The following COL4A6 variants were observed in gnomAD, a reference collection of about 807,000 sequenced individuals.
COL4A6 encodes collagen alpha-6(IV) chain.
In COL4A6, 59 loss-of-function variants were observed where a neutral mutation model predicts 126.7. That is an observed-to-expected ratio of 0.47 (90% CI 0.38 to 0.58). COL4A6 has a LOEUF of 0.58. COL4A6 is among the 20% of genes least tolerant of loss of function. The pLI is 0.00. For missense variants in COL4A6, 1,285 were observed against 1,337.3 expected (o/e 0.96, Z 0.61); for synonymous variants, 547 against 496.6 (o/e 1.10, Z -1.35).
chrX:108,345,833 C>A (rs1603130782), intron 2 of COL4A6, among the ~76,000 whole-genome samples: 1 of 111,784 alleles, frequency 8.9e-6, no homozygotes, highest in East Asian at 2.8e-4. Context: ...ACTCTGACTG[C>A]ACATTAGAAT....
At chrX:108,188,095 C>A (rs2034927878) in intron 21 of COL4A6, 68 bp from the exon 22 acceptor site, 3 of 944,373 alleles carry the variant, frequency 3.2e-6, no homozygotes, top group Admixed American at 2.5e-5. Context: ...CGGCACCTAG[C>A]ATTATGACTT....
chrX:108,241,189 T>C (rs2036562922), intron 3 of COL4A6, among the ~76,000 whole-genome samples: 2 of 110,995 alleles, frequency 1.8e-5, no homozygotes. Context: ...CTTAATATAA[T>C]GCCTGACACA....
chrX:108,413,326 C>A (rs1330041200), intron 2 of COL4A6, among the ~76,000 whole-genome samples: 1 of 112,060 alleles, frequency 8.9e-6, no homozygotes, highest in Non-Finnish European at 1.9e-5. Flanking sequence ...GTCTGGCTTA[C>A]AGAGTTAATC....
chrX:108,195,101 T>G lies in COL4A6; in HGVS notation c.929A>C (p.Gln310Pro). Residue 310 changes from glutamine to proline, a missense_variant, in exon 15 of 45, where the codon CAA becomes CCA. Gln to Pro is a moderately conservative substitution (Grantham distance 76). Coordinates refer to ENST00000334504, the MANE Select transcript of COL4A6 (RefSeq NM_033641.4). ...AAATACCTGTTGCCCTGGAGGGCCT[T>G]GGACTCCTTCTGAACCCATGGGACC... is the stretch of plus-strand genomic sequence containing the variant. ...PRGPMGSEGV[Q>P]GPPGQQGKKG... The G allele has an allele frequency of 8.3e-7, 1 of 1,206,847 alleles. No homozygotes were observed. The highest frequency in any genetic ancestry group is 1.1e-6 in the Non-Finnish European group (1 of 892,075).
intron 2 of COL4A6, among the ~76,000 whole-genome samples, chrX:108,409,988 G>C (rs1429497259): frequency 8.9e-6 from 1 of 111,775 alleles, no homozygotes; most frequent in African/African-American, 3.3e-5. Flanking sequence ...ATCCAGGAAA[G>C]AGATCCCCGG....
intron 2 of COL4A6, among the ~76,000 whole-genome samples, chrX:108,363,502 G>T (rs1296763019): frequency 8.9e-6 from 1 of 111,974 alleles, no homozygotes; most frequent in Non-Finnish European, 1.9e-5. Flanking sequence ...CCAAACACAG[G>T]TATAACTTGT....
At chrX:108,272,635 C>T (rs2037484352) in intron 3 of COL4A6, among the ~76,000 whole-genome samples, 1 of 111,077 alleles carries the variant, frequency 9.0e-6, no homozygotes, top group Non-Finnish European at 1.9e-5. Context: ...GCGAGATAAG[C>T]AGTAGGATTC....
At chrX:108,238,513 AACT>A (rs1231891640) in intron 3 of COL4A6, among the ~76,000 whole-genome samples, 3 of 109,714 alleles carry the variant, frequency 2.7e-5, no homozygotes, top group Non-Finnish European at 5.7e-5. Context: ...CTATTTGCAC[AACT>A]ACTTTGTTGC....
chrX:108,412,444 T>C, intron 2 of COL4A6, among the ~76,000 whole-genome samples: 1 of 111,732 alleles, frequency 8.9e-6, no homozygotes, highest in Non-Finnish European at 1.9e-5. Context: ...CAAAGACGCA[T>C]TCTACTAAAT....
chrX:108,180,783 G>A, intron 24 of COL4A6, 114 bp downstream of exon 24: 1 of 879,706 alleles, frequency 1.1e-6, no homozygotes, highest in Non-Finnish European at 1.6e-6. Flanking sequence ...CAATCCCCAA[G>A]GCTGCCCTCA....
intron 15 of COL4A6, 67 bp downstream of exon 15, chrX:108,195,015 G>T: frequency 1.1e-6 from 1 of 899,961 alleles, no homozygotes; most frequent in Non-Finnish European, 1.6e-6. Context: ...GCCATGTTAG[G>T]TAAAGCAAGG....
chrX:108,405,195 G>GTTTTTTTTTTT (rs2041179841), intron 2 of COL4A6, among the ~76,000 whole-genome samples: 1 of 108,626 alleles, frequency 9.2e-6, no homozygotes, highest in East Asian at 2.9e-4. Flanking sequence ...TTTTGTTTTT[G>GTTTTTTTTTTT]TTTTTGTTTT....
chrX:108,329,901 G>GT (rs2039254961), intron 2 of COL4A6, among the ~76,000 whole-genome samples: 1 of 111,036 alleles, frequency 9.0e-6, no homozygotes, highest in Non-Finnish European at 1.9e-5. Flanking sequence ...AGGGAGGATG[G>GT]TAATGCCATT....
Position 108,174,542 on chromosome X carries a change from A to G in COL4A6, c.3036T>C (p.Val1012=). 1.7e-6 allele frequency: 2 copies of G among 1,209,357 alleles called. No individual in the cohort carries two copies. Among genetic ancestry groups the G allele is most frequent in the Non-Finnish European group, 2.2e-6 (2 of 894,426 alleles). The part of the protein sequence containing the change: ...APGLPGIIKG[V]SGKPGPPGFM... ...AGCCAGGGGGCCCTGGCTTTCCACT[A>G]ACTCCTTTGATAATGCCTGGGAGGC... Residue 1012 remains valine, a synonymous_variant, in exon 31 of 45, where the codon GTT becomes GTC. Transcript: ENST00000334504.
chrX:108,216,923 G>A (rs1001881684), intron 5 of COL4A6, among the ~76,000 whole-genome samples: 10 of 112,685 alleles, frequency 8.9e-5, no homozygotes, highest in African/African-American at 3.2e-4. Context: ...AAATTGCAAA[G>A]TGAAAATCTC....
chrX:108,188,202 A>T (rs182761814), intron 21 of COL4A6, among the ~76,000 whole-genome samples, 175 bp from the exon 22 acceptor site: 2 of 112,015 alleles, frequency 1.8e-5, no homozygotes, highest in Non-Finnish European at 3.8e-5. Flanking sequence ...ACCTTTTGTA[A>T]ATTTTGAAAT....
At chrX:108,224,583 C>CA (rs1033543277) in intron 3 of COL4A6, among the ~76,000 whole-genome samples, 5 of 111,121 alleles carry the variant, frequency 4.5e-5, no homozygotes, top group Non-Finnish European at 9.4e-5. Flanking sequence ...GGATATGAGA[C>CA]AAAAAGCCTT....
intron 3 of COL4A6, among the ~76,000 whole-genome samples, chrX:108,227,842 C>A (rs983583938): frequency 8.9e-6 from 1 of 111,852 alleles, no homozygotes; most frequent in African/African-American, 3.3e-5. Context: ...AACTAGTTTT[C>A]CAGGTTAGCT....
intron 2 of COL4A6, among the ~76,000 whole-genome samples, chrX:108,426,654 ATAAT>A (rs1170948500): frequency 8.9e-6 from 1 of 112,146 alleles, no homozygotes; most frequent in African/African-American, 3.2e-5. Flanking sequence ...AATTCAACAA[ATAAT>A]TAAACAACTT....
Sources: gnomAD v4.1 joint callset for allele counts (sites outside exome capture counted in the v4.1 genomes callset) on GRCh38, gnomAD v4.1.1 for gene constraint, MANE v1.5 for transcripts, NCBI Gene and HGNC (gene_info 2026-07-23, HGNC 2026-07-21) for gene names.